Variants in SND1 observed in about 807,000 individuals in gnomAD.
SND1 encodes staphylococcal nuclease domain-containing protein 1.
In SND1, 38 loss-of-function variants were observed where a neutral mutation model predicts 121.7. The observed-to-expected ratio is 0.31, with a 90% CI of 0.24 to 0.41. SND1 has a LOEUF of 0.41. SND1 is among the 10% of genes least tolerant of loss of function. The pLI, the probability that SND1 is intolerant of heterozygous loss-of-function variation, is 1.00. For synonymous variants in SND1, 401 were observed against 447.4 expected, an observed-to-expected ratio of 0.90 and a Z score of 1.31; for missense variants, 868 against 1,184.6, an observed-to-expected ratio of 0.73 and a Z score of 3.92.
chr7:127,799,488 G>A (rs1798088943), intron 10 of SND1, among the ~76,000 whole-genome samples: 1 of 152,110 alleles, frequency 6.6e-6, no homozygotes, highest in African/African-American at 2.4e-5. Context: ...GGGATCAGCA[G>A]GATCAAATAG....
At chr7:127,654,740 G>T (rs1250174472) in intron 1 of SND1, among the ~76,000 whole-genome samples, 1 of 152,314 alleles carries the variant, frequency 6.6e-6, no homozygotes, top group African/African-American at 2.4e-5. Flanking sequence ...AGATTGCACT[G>T]CCTTCTCTGA....
chr7:127,700,624 A>T (rs1213319864), intron 4 of SND1, among the ~76,000 whole-genome samples: 2 of 152,214 alleles, frequency 1.3e-5, no homozygotes, highest in African/African-American at 4.8e-5. Flanking sequence ...CTGATGAAGG[A>T]GGAGGCTTCC....
intron 14 of SND1, among the ~76,000 whole-genome samples, chr7:127,910,424 G>A (rs1380014346): frequency 1.3e-5 from 2 of 151,972 alleles, no homozygotes; most frequent in African/African-American, 4.8e-5. Flanking sequence ...CAGCCTGGGT[G>A]ACAGAGTGAG....
intron 11 of SND1, among the ~76,000 whole-genome samples, chr7:127,808,846 C>G (rs1189714796): frequency 6.6e-6 from 1 of 152,210 alleles, no homozygotes; most frequent in African/African-American, 2.4e-5. Context: ...TCATTTCGCT[C>G]ATTTACTGGC....
intron 17 of SND1, among the ~76,000 whole-genome samples, chr7:128,077,191 G>A (rs1027280415): frequency 7.2e-5 from 11 of 152,218 alleles, no homozygotes; most frequent in African/African-American, 2.7e-4. Context: ...CCCACCCCTG[G>A]AGCCTTGCAA....
At chr7:127,858,365 A>C in intron 12 of SND1, 2 of 1,356,728 alleles carry the variant, frequency 1.5e-6, no homozygotes, top group Admixed American at 3.9e-5. Flanking sequence ...TGCCCTAGCC[A>C]CTGTCTCTCT....
intron 15 of SND1, among the ~76,000 whole-genome samples, chr7:127,989,382 C>T (rs1163936913): frequency 6.6e-6 from 1 of 152,168 alleles, no homozygotes; most frequent in East Asian, 1.9e-4. Context: ...AAGCTCCGTT[C>T]TTTATCTTCT....
intron 11 of SND1, among the ~76,000 whole-genome samples, chr7:127,842,365 C>T (rs1584611695): frequency 6.6e-6 from 1 of 152,206 alleles, no homozygotes; most frequent in Non-Finnish European, 1.5e-5. Context: ...ATGTTTGCTA[C>T]AGGATACTAT....
intron 16 of SND1, among the ~76,000 whole-genome samples, chr7:128,006,188 C>G (rs1320222543): frequency 6.6e-6 from 1 of 152,144 alleles, no homozygotes; most frequent in Admixed American, 6.6e-5. Flanking sequence ...CAGTTCTTCT[C>G]AGCTTCTTTT....
chr7:127,912,317 C>A (rs985875690), intron 14 of SND1, among the ~76,000 whole-genome samples: 1 of 152,050 alleles, frequency 6.6e-6, no homozygotes, highest in Non-Finnish European at 1.5e-5. Flanking sequence ...TGTTTCATTA[C>A]CTCCTTTTGT....
intron 16 of SND1, among the ~76,000 whole-genome samples, chr7:128,048,009 G>A (rs754622461): frequency 3.3e-5 from 5 of 151,934 alleles, no homozygotes; most frequent in African/African-American, 7.3e-5. Context: ...CATCATGCCC[G>A]GCTAATTTTT....
chr7:128,087,105 G>A lies in SND1; in HGVS notation c.2418+54G>A, dbSNP rs993626367. ...GGGGACTATCCACTGACACTTAGCC[G>A]CTGCAGCAGCCCTCATGGGCTGACA... On this transcript the variant is annotated intron_variant, in intron 21 of 23. Transcript: ENST00000354725. The A allele has an allele frequency of 2.1e-5, 28 of 1,363,456 alleles. 1 individual carries two copies. The highest frequency in any genetic ancestry group is 9.6e-5 in the South Asian group (8 of 82,948). The allele number at this position is 1,363,456 out of a possible 1,614,324, so 84.5% of individuals were successfully genotyped here.
intron 15 of SND1, among the ~76,000 whole-genome samples, chr7:127,983,006 C>A (rs1186495997): frequency 6.6e-6 from 1 of 152,192 alleles, no homozygotes; most frequent in Admixed American, 6.5e-5. Context: ...GTTCTTGATA[C>A]TTAAGGAGGG....
At chr7:127,967,451 G>A (rs548081825) in intron 15 of SND1, among the ~76,000 whole-genome samples, 31 of 152,322 alleles carry the variant, frequency 2.0e-4, no homozygotes, top group African/African-American at 7.0e-4. Flanking sequence ...CATCCATGCT[G>A]TATCTTTCAG....
At chr7:127,903,005 C>T (rs1800265433) in intron 13 of SND1, among the ~76,000 whole-genome samples, 1 of 152,110 alleles carries the variant, frequency 6.6e-6, no homozygotes, top group South Asian at 2.1e-4. Context: ...CCTCAGCCTC[C>T]CGAGTAGCTG....
At chr7:127,938,013 G>A (rs892317920) in intron 15 of SND1, among the ~76,000 whole-genome samples, 2 of 152,204 alleles carry the variant, frequency 1.3e-5, no homozygotes, top group African/African-American at 4.8e-5. Context: ...TAATTGAATT[G>A]CAACTTAATG....
At chr7:127,741,713 G>A (rs1409409285) in intron 10 of SND1, among the ~76,000 whole-genome samples, 1 of 152,172 alleles carries the variant, frequency 6.6e-6, no homozygotes, top group Middle Eastern at 3.4e-3. Context: ...ACTTTAAAAG[G>A]CCCACTTGTT....
rs1418871701 is a variant in SND1 at position 127,725,195 on chromosome 7, G to C, written c.1152+3795G>C. 2.6e-5 allele frequency among the ~76,000 whole-genome samples: 4 copies of C among 152,172 alleles called. No homozygotes were observed. In the East Asian group the frequency reaches 7.7e-4, roughly 29 times the overall value. The stretch of plus-strand genomic sequence containing the variant: ...AGACTGAGCAACAGGCATCCTCTCG[G>C]AGTCTTAGGTTTCTGGTTTCATTTA... On this transcript the variant is annotated intron_variant, in intron 10 of 23. Coordinates refer to ENST00000354725, the MANE Select transcript of SND1 (RefSeq NM_014390.4).
chr7:128,068,245 C>T (rs1429472422), intron 16 of SND1, among the ~76,000 whole-genome samples: 1 of 151,586 alleles, frequency 6.6e-6, no homozygotes, highest in African/African-American at 2.4e-5. Flanking sequence ...TGCACATGCT[C>T]ACTCTCTCCC....
Sources: allele counts gnomAD v4.1 joint callset (sites outside exome capture counted in the v4.1 genomes callset), GRCh38; gene constraint gnomAD v4.1.1; transcripts MANE v1.5; gene names NCBI Gene and HGNC (gene_info 2026-07-23, HGNC 2026-07-21).